The following PTRH2 variants were observed in gnomAD, a reference collection of about 807,000 sequenced individuals.
PTRH2 encodes the protein peptidyl-tRNA hydrolase 2, also known as peptidyl-tRNA hydrolase 2, mitochondrial.
In PTRH2, 10 loss-of-function variants were observed where a neutral mutation model predicts 12.3. The observed-to-expected ratio is 0.81, with a 90% CI of 0.50 to 1.38. The LOEUF is 1.38. Ranked by LOEUF, PTRH2 falls within the 40% of genes most tolerant of loss-of-function variation. The probability of loss-of-function intolerance (pLI) is 0.00; values close to 1 mark genes in which losing one functional copy is unlikely to be tolerated. For missense variants in PTRH2, 176 were observed against 214.1 expected, an observed-to-expected ratio of 0.82 and a Z score of 1.11; for synonymous variants, 73 against 77.4, an observed-to-expected ratio of 0.94 and a Z score of 0.30.
At chr17:59,703,455 C>T (rs1326493997) in intron 1 of PTRH2, among the ~76,000 whole-genome samples, 1 of 152,178 alleles carries the variant, frequency 6.6e-6, no homozygotes, top group Non-Finnish European at 1.5e-5. Context: ...CAAGTTATAG[C>T]TTGCCTAAAT....
intron 1 of PTRH2, among the ~76,000 whole-genome samples, chr17:59,704,250 T>C (rs926961529): frequency 6.6e-6 from 1 of 152,182 alleles, no homozygotes; most frequent in African/African-American, 2.4e-5. Context: ...TGACAGGAAG[T>C]CTGGTGGCAA....
At position 59,699,107 on chromosome 17, in the gene PTRH2, T is replaced by C. The variant is rs947299156; in HGVS notation, c.1-1129A>G. Reference sequence around the variant, plus strand: ...TTGACCGTACAGCTTGTTTCTTCTTTTCACTATATATTTCTCTGTAGCAAG... The same window carrying C: ...TTGACCGTACAGCTTGTTTCTTCTTCTCACTATATATTTCTCTGTAGCAAG... On this transcript the variant is annotated intron_variant, in intron 1 of 1. Transcript: ENST00000393038. 12 of 537,748 alleles carry C rather than the reference T, an allele frequency of 2.2e-5. No homozygotes were observed. In the Admixed American group the frequency reaches 4.3e-4, roughly 19 times the overall value. 33.3% of individuals were successfully genotyped at this position (537,748 alleles called of 1,614,324 possible).
intron 1 of PTRH2, chr17:59,700,602 C>T (rs2033538513): frequency 6.6e-6 from 1 of 151,958 alleles, no homozygotes; most frequent in South Asian, 2.1e-4. Flanking sequence ...GGCAGAAATT[C>T]GTTTGAGGTG....
intron 1 of PTRH2, among the ~76,000 whole-genome samples, chr17:59,702,141 A>G (rs1417151789): frequency 6.6e-6 from 1 of 152,190 alleles, no homozygotes; most frequent in East Asian, 1.9e-4. Context: ...AATAAAACAA[A>G]TGTTTACTGG....
chr17:59,700,504 T>G (rs1465487112), intron 1 of PTRH2: 2 of 152,224 alleles, frequency 1.3e-5, no homozygotes, highest in African/African-American at 4.8e-5. Flanking sequence ...ACTTATAAAT[T>G]TCCTTTATGT....
chr17:59,698,117 C>T (rs2033482194), intron 1 of PTRH2, 139 bp from the exon 2 acceptor site: 3 of 826,490 alleles, frequency 3.6e-6, no homozygotes, highest in Non-Finnish European at 5.5e-6. Context: ...CTTATGCCTG[C>T]ACCCTGTTTC....
chr17:59,702,050 T>G (rs1015199275), intron 1 of PTRH2, among the ~76,000 whole-genome samples: 3 of 152,200 alleles, frequency 2.0e-5, no homozygotes, highest in African/African-American at 7.2e-5. Flanking sequence ...CTTTGACATG[T>G]ATTGTTATTT....
chr17:59,701,861 T>TTG (rs2033560142), intron 1 of PTRH2, among the ~76,000 whole-genome samples: 1 of 145,556 alleles, frequency 6.9e-6, no homozygotes, highest in African/African-American at 2.5e-5. Flanking sequence ...CCCGGCTAAT[T>TTG]TTTTTTTTTT....
intron 1 of PTRH2, among the ~76,000 whole-genome samples, chr17:59,702,875 A>T (rs997828629): frequency 6.6e-6 from 1 of 152,240 alleles, no homozygotes; most frequent in Non-Finnish European, 1.5e-5. Context: ...ATTACATGAG[A>T]TATTCAACAC....
intron 1 of PTRH2, among the ~76,000 whole-genome samples, chr17:59,704,494 C>T (rs1313440816): frequency 1.3e-5 from 2 of 152,078 alleles, no homozygotes; most frequent in Non-Finnish European, 2.9e-5. Flanking sequence ...TTTGAGAGAC[C>T]TTACCATATA....
At chr17:59,705,815 TA>T (rs2033637222) in intron 1 of PTRH2, among the ~76,000 whole-genome samples, 1 of 150,566 alleles carries the variant, frequency 6.6e-6, no homozygotes, top group African/African-American at 2.5e-5. Flanking sequence ...GGGGATAAGG[TA>T]GGAGGACACC....
chr17:59,701,315 G>C (rs2033550264), intron 1 of PTRH2: 1 of 152,206 alleles, frequency 6.6e-6, no homozygotes, highest in African/African-American at 2.4e-5. Flanking sequence ...ATCAAAGACT[G>C]ATTTATGGAC....
Position 59,697,811 on chromosome 17 carries a change from T to A in PTRH2, c.168A>T (p.Ala56=). 6.2e-7 allele frequency: 1 copy of A among 1,614,214 alleles called. No individual in the cohort carries two copies. The highest frequency in any genetic ancestry group is 8.5e-7 in the Non-Finnish European group (1 of 1,180,048). ...ACTCCCCGCTGTCTCCCAAGATGCT[T>A]GCTTCACTTTCAGTATCTGTGTGTG... The part of the protein sequence containing the change: ...SKTHTDTESE[A]SILGDSGEYK... Residue 56 remains alanine (A), a synonymous_variant, in exon 2 of 2, where the codon GCA becomes GCT. Transcript: ENST00000393038.
rs151008341 is a variant in PTRH2 at position 59,697,761 on chromosome 17, T to C, written c.218A>G (p.Asn73Ser). 6 of 1,614,094 alleles carry C rather than the reference T, an allele frequency of 3.7e-6. No homozygotes were observed. The highest frequency in any genetic ancestry group is 3.3e-5 in the Admixed American group (2 of 60,006). Residue 73 changes from asparagine (N) to serine (S), a missense_variant, in exon 2 of 2, where the codon AAT (asparagine) becomes AGT (serine). By Grantham distance (46) the Asn-to-Ser change is conservative. Transcript: ENST00000393038. Reference sequence around the variant, plus strand: ...TTTCCCTTTTCCCATCTTTAAGTCATTTCGAACCACAAGAATCATCTTGTA... The same window carrying C: ...TTTCCCTTTTCCCATCTTTAAGTCACTTCGAACCACAAGAATCATCTTGTA... ...GEYKMILVVR[N>S]DLKMGKGKVA...
At chr17:59,703,830 A>G (rs2143649402) in intron 1 of PTRH2, among the ~76,000 whole-genome samples, 1 of 120,046 alleles carries the variant, frequency 8.3e-6, no homozygotes, top group East Asian at 2.5e-4. Flanking sequence ...TTTTTTGGAG[A>G]CGGAGTCTCA....
At chr17:59,705,558 TAC>T (rs1455451205) in intron 1 of PTRH2, among the ~76,000 whole-genome samples, 1 of 152,182 alleles carries the variant, frequency 6.6e-6, no homozygotes. Flanking sequence ...TAGATGGGAC[TAC>T]AGGTGCATGC....
intron 1 of PTRH2, among the ~76,000 whole-genome samples, chr17:59,703,372 C>A (rs1883375592): frequency 6.6e-6 from 1 of 151,986 alleles, no homozygotes; most frequent in Admixed American, 6.6e-5. Flanking sequence ...CAGGATATAA[C>A]CCCACCCTAA....
intron 1 of PTRH2, among the ~76,000 whole-genome samples, chr17:59,705,707 C>T (rs1318819794): frequency 3.3e-5 from 5 of 152,042 alleles, no homozygotes; most frequent in Non-Finnish European, 2.9e-5. Flanking sequence ...GAGTCCAGTT[C>T]AAAACCAATC....
At chr17:59,698,815 C>A in intron 1 of PTRH2, 1 of 705,132 alleles carries the variant, frequency 1.4e-6, no homozygotes, top group Admixed American at 2.1e-5. Context: ...TGTTGAATAT[C>A]TCCTGTAATT....
Sources: gnomAD v4.1 joint callset for allele counts (sites outside exome capture counted in the v4.1 genomes callset) on GRCh38, gnomAD v4.1.1 for gene constraint, MANE v1.5 for transcripts, NCBI Gene and HGNC (gene_info 2026-07-23, HGNC 2026-07-21) for gene names.